SLC9A5: variants seen among roughly 807,000 people sequenced by gnomAD.
SLC9A5 encodes the protein sodium/hydrogen exchanger 5.
Under a neutral mutation model 91.7 loss-of-function variants are expected in SLC9A5, and 52 were observed. The observed-to-expected ratio is 0.57, with a 90% CI of 0.45 to 0.71. The LOEUF (loss-of-function observed/expected upper bound fraction) is 0.71, where lower values mean the gene tolerates loss of function less well. Among genes scored for constraint, SLC9A5 ranks in the 30% least tolerant of loss-of-function variants. The pLI is 0.00. For synonymous variants in SLC9A5, 419 were observed against 474.5 expected (o/e 0.88, Z 1.52); for missense variants, 871 against 1,158.9 (o/e 0.75, Z 3.61).
intron 12 of SLC9A5, among the ~76,000 whole-genome samples, chr16:67,260,661 A>G (rs2035503748): frequency 6.6e-6 from 1 of 152,150 alleles, no homozygotes; most frequent in Non-Finnish European, 1.5e-5. Context: ...GGGGGCCTTG[A>G]GGGTCACTGG....
At chr16:67,266,340 G>A in intron 15 of SLC9A5, 115 bp downstream of exon 15, 1 of 1,078,206 alleles carries the variant, frequency 9.3e-7, no homozygotes, top group Non-Finnish European at 1.3e-6. Context: ...TTATTCATCA[G>A]CCAGCATTTG....
rs1224606675 is a variant in SLC9A5 at position 67,252,935 on chromosome 16, C to T, written c.490+91C>T. On this transcript the variant is annotated intron_variant, in intron 2 of 15. Coordinates refer to ENST00000299798, the MANE Select transcript of SLC9A5 (RefSeq NM_004594.3). The surrounding 1 kb of genome is among the most constrained non-coding windows in gnomAD (Gnocchi z 4.0). The stretch of plus-strand genomic sequence containing the variant: ...GAGGCCCATGCTGGTGTGAGCCATG[C>T]CCTGAAAGCTCCATCCTAGGTCCCT... 8.3e-6 allele frequency: 10 copies of T among 1,211,172 alleles called. No individual in the cohort carries two copies. The highest frequency in any genetic ancestry group is 3.0e-5 in the African/African-American group (2 of 66,030). 75.0% of individuals were successfully genotyped at this position (1,211,172 alleles called of 1,614,324 possible).
rs1316235570 is a variant in SLC9A5 at position 67,252,813 on chromosome 16, C to T, written c.459C>T (p.Ala153=). 2 of 1,613,180 alleles carry T rather than the reference C, an allele frequency of 1.2e-6. No individual in the cohort carries two copies. Among genetic ancestry groups the T allele is most frequent in the Non-Finnish European group, 1.7e-6 (2 of 1,180,004 alleles). The change falls in exon 2 of 16, where the codon GCC becomes GCT. Residue 153 remains alanine (A), a synonymous_variant. Transcript: ENST00000299798. The surrounding 1 kb of genome is among the most constrained non-coding windows in gnomAD (Gnocchi z 4.0). ...TLWNAFTTGA[A]LWGLQQAGLV... is the part of the protein sequence containing the mutation. ...GGAATGCCTTCACAACAGGCGCTGCCCTCTGGGGCTTGCAGCAGGCTGGAC... is the reference window on the plus strand; with the variant it reads ...GGAATGCCTTCACAACAGGCGCTGCTCTCTGGGGCTTGCAGCAGGCTGGAC...
intron 2 of SLC9A5, among the ~76,000 whole-genome samples, chr16:67,253,513 T>TTTG (rs528539143): frequency 6.6e-6 from 1 of 151,956 alleles, no homozygotes; most frequent in East Asian, 1.9e-4. Context: ...GAGGTCCGTG[T>TTTG]TTGTTGTTGT....
In SLC9A5 at chr16:67,266,196, G is replaced by A. The variant is rs2142382005; in HGVS notation, c.2189G>A (p.Ser730Asn). 6.2e-7 allele frequency: 1 copy of A among 1,607,968 alleles called. No individual in the cohort carries two copies. The highest frequency in any genetic ancestry group is 8.5e-7 in the Non-Finnish European group (1 of 1,177,310). ...EGIIFVARATSEVLQEGKVSG... is the reference protein window; with the variant it reads ...EGIIFVARATNEVLQEGKVSG... ...ATCATCTTTGTGGCTCGTGCCACCA[G>A]TGAGGTTCTCCAAGAGGGCAAGGTC... Residue 730 changes from serine (S) to asparagine (N), a missense_variant, in exon 15 of 16, where the codon AGT (serine) becomes AAT (asparagine). By Grantham distance (46) the Ser-to-Asn change is conservative. Transcript: ENST00000299798.
chr16:67,271,514 A>AG lies in SLC9A5; in HGVS notation c.*305dup, dbSNP rs1416197159. On this transcript the variant is annotated 3_prime_UTR_variant, in exon 16 of 16. Coordinates refer to ENST00000299798, the MANE Select transcript of SLC9A5 (RefSeq NM_004594.3). Reference sequence around the variant, plus strand: ...CTTGGGTTGCTGGTCCCCCTTCCCTAGTGGGTTTTCCCGGGGACTCTATAG... The same window carrying AG: ...CTTGGGTTGCTGGTCCCCCTTCCCTAGGTGGGTTTTCCCGGGGACTCTATAG... 2.2e-5 allele frequency: 9 copies of AG among 408,590 alleles called. No homozygotes were observed. Among genetic ancestry groups the AG allele is most frequent in the Non-Finnish European group, 3.1e-5 (7 of 222,578 alleles). 25.3% of individuals were successfully genotyped at this position (408,590 alleles called of 1,614,324 possible). A position where few individuals can be genotyped will look rare whatever the true frequency, so the allele number is the denominator to read the frequency against.
At chr16:67,250,178 G>C (rs1012331820) in intron 1 of SLC9A5, among the ~76,000 whole-genome samples, 3 of 152,216 alleles carry the variant, frequency 2.0e-5, no homozygotes, top group African/African-American at 7.2e-5. Flanking sequence ...GACACTGCTA[G>C]GGGGTGAGGG....
intron 12 of SLC9A5, among the ~76,000 whole-genome samples, chr16:67,260,272 T>C (rs968224354): frequency 6.0e-5 from 9 of 148,876 alleles, no homozygotes; most frequent in Non-Finnish European, 1.2e-4. Flanking sequence ...GGAAAATCGC[T>C]TGAACCCGGG....
intron 15 of SLC9A5, among the ~76,000 whole-genome samples, chr16:67,268,656 GATT>G (rs1456190753): frequency 3.6e-5 from 2 of 54,860 alleles, no homozygotes; most frequent in Non-Finnish European, 6.8e-5. Context: ...AAATTTCCCT[GATT>G]ATATATATAT....
rs1014045711 is a variant in SLC9A5, at chr16:67,261,723, A to C, written c.1842+1777A>C. Reference sequence around the variant, plus strand: ...ATCTCCCTTGCTATTTATTTATTGAAGAAGCTGGATACTTTCTCTTGGAGA... The same window carrying C: ...ATCTCCCTTGCTATTTATTTATTGACGAAGCTGGATACTTTCTCTTGGAGA... On this transcript the variant is annotated intron_variant, in intron 12 of 15. Coordinates refer to ENST00000299798, the MANE Select transcript of SLC9A5 (RefSeq NM_004594.3). 3 of 152,216 alleles carry C rather than the reference A, an allele frequency of 2.0e-5. No homozygotes were observed. The East Asian group carries it at 5.8e-4, about 29-fold the overall frequency. 9.4% of individuals were successfully genotyped at this position (152,216 alleles called of 1,614,324 possible). A position where few individuals can be genotyped will look rare whatever the true frequency, so the allele number is the denominator to read the frequency against.
chr16:67,268,369 C>T (rs2035786835), intron 15 of SLC9A5, among the ~76,000 whole-genome samples: 1 of 147,324 alleles, frequency 6.8e-6, no homozygotes, highest in Non-Finnish European at 1.5e-5. Flanking sequence ...CTTTGACACC[C>T]AAGCAAGAGT....
rs375616125 is a variant in SLC9A5 at position 67,271,081 on chromosome 16, G to A, written c.2562G>A (p.Glu854=). The A allele has an allele frequency of 8.7e-6, 14 of 1,613,624 alleles. No homozygotes were observed. The highest frequency in any genetic ancestry group is 1.2e-5 in the Non-Finnish European group (14 of 1,179,768). Residue 854 remains glutamate (E), a synonymous_variant, in exon 16 of 16, where the codon GAG becomes GAA. Coordinates refer to ENST00000299798, the MANE Select transcript of SLC9A5 (RefSeq NM_004594.3). ...CCAAGGCTGGCCGCTCTCGCAGTGAGAGCAGCGCTGACCTCCCCCAGCAGC... is the reference window on the plus strand; with the variant it reads ...CCAAGGCTGGCCGCTCTCGCAGTGAAAGCAGCGCTGACCTCCCCCAGCAGC... ...SLAKAGRSRS[E]SSADLPQQQE...
rs9940665 is a variant in SLC9A5 at position 67,255,938 on chromosome 16, C to T, written c.911+8C>T. 0.085 allele frequency: 136,476 copies of T among 1,610,776 alleles called. 11,163 individuals are homozygous for T. Among genetic ancestry groups the T allele is most frequent in the African/African-American group, 0.43 (32,581 of 74,908 alleles). ...GCTCTCCGCCATTCTTGCGTGAGTT[C>T]TGGGGGCCTTGCAGGCAGATAGCTG... On this transcript the variant is annotated splice_region_variant and intron_variant, in intron 5 of 15. Transcript: ENST00000299798. This position sits in a 1 kb window ranked among gnomAD's most constrained non-coding sequence, Gnocchi z 4.9.
In SLC9A5 at chr16:67,271,162, C is replaced by G; in HGVS notation, c.2643C>G (p.Thr881=). The G allele has an allele frequency of 1.2e-6, 2 of 1,613,112 alleles. No homozygotes were observed. The highest frequency in any genetic ancestry group is 1.7e-6 in the Non-Finnish European group (2 of 1,180,026). Residue 881 remains threonine (T), a synonymous_variant, in exon 16 of 16, where the codon ACC becomes ACG. Transcript: ENST00000299798. ...ACCACACCCATCTCAGCCCAGGCAC[C>G]GCTACCTCCCACTGGTGCATCCAGT... ...HKDHTHLSPG[T]ATSHWCIQFN...
chr16:67,256,209 C>T lies in SLC9A5; in HGVS notation c.912-260C>T, dbSNP rs987849592. ...CACCAGCTCTGGAGGCCGCAGCACT[C>T]CAGAAGGTGCATTAGAGAGCCCGCT... On this transcript the variant is annotated intron_variant, in intron 5 of 15. Transcript: ENST00000299798. This position sits in a 1 kb window ranked among gnomAD's most constrained non-coding sequence, Gnocchi z 4.1. 6.6e-6 allele frequency among the ~76,000 whole-genome samples: 1 copy of T among 152,156 alleles called. No homozygotes were observed. Among genetic ancestry groups the T allele is most frequent in the African/African-American group, 2.4e-5 (1 of 41,440 alleles).
rs546727203 is a variant in SLC9A5, at chr16:67,258,186, G to A, written c.1497-132G>A. ...CCATGAGGGCAGGGACTAGCCTTGA[G>A]ATTCTCTCTGGCTGAGGCCCATATC... On this transcript the variant is annotated intron_variant, in intron 9 of 15. Coordinates refer to ENST00000299798, the MANE Select transcript of SLC9A5 (RefSeq NM_004594.3). The surrounding 1 kb of genome is among the most constrained non-coding windows in gnomAD (Gnocchi z 4.5). 1 of 820,512 alleles carries A rather than the reference G, an allele frequency of 1.2e-6. No individual in the cohort carries two copies. The highest frequency in any genetic ancestry group is 1.9e-6 in the Non-Finnish European group (1 of 513,960). 50.8% of individuals were successfully genotyped at this position (820,512 alleles called of 1,614,324 possible). A position where few individuals can be genotyped will look rare whatever the true frequency, so the allele number is the denominator to read the frequency against.
intron 12 of SLC9A5, among the ~76,000 whole-genome samples, chr16:67,260,453 T>G (rs1419510017): frequency 6.6e-6 from 1 of 151,220 alleles, no homozygotes; most frequent in Non-Finnish European, 1.5e-5. Context: ...GTTGACCTAA[T>G]ACAAGCACTG....
At chr16:67,262,414 G>T in intron 12 of SLC9A5, 1 of 373,786 alleles carries the variant, frequency 2.7e-6, no homozygotes, top group Non-Finnish European at 5.4e-6. Context: ...AGAAAGATAA[G>T]ATTATAGTTT....
In SLC9A5 at chr16:67,266,632, C is replaced by A. The variant is rs573351408; in HGVS notation, c.2218+407C>A. 2.0e-5 allele frequency among the ~76,000 whole-genome samples: 3 copies of A among 152,130 alleles called. No individual in the cohort carries two copies. The East Asian group carries it at 5.8e-4, about 30-fold the overall frequency. ...CTCAGCTCACTGCAACCTCTGGCTC[C>A]CGGGTTCAAGCAATTCTCCTGCCTC... On this transcript the variant is annotated intron_variant, in intron 15 of 15. Transcript: ENST00000299798.
Sources: allele counts gnomAD v4.1 joint callset (sites outside exome capture counted in the v4.1 genomes callset), GRCh38; gene constraint gnomAD v4.1.1; non-coding constraint Gnocchi (gnomAD v3.1); transcripts MANE v1.5; gene names NCBI Gene and HGNC (gene_info 2026-07-23, HGNC 2026-07-21).